The following KIZ variants were observed in gnomAD, a reference collection of about 807,000 sequenced individuals.
KIZ encodes centrosomal protein kizuna.
KIZ carries 68 observed loss-of-function variants against 79.6 expected under a neutral mutation model. The ratio of observed to expected loss-of-function variants is 0.85; its 90% CI spans 0.70 to 1.05. The LOEUF (loss-of-function observed/expected upper bound fraction) is 1.05, where lower values mean the gene tolerates loss of function less well. Among genes scored for constraint, KIZ ranks in the 50% least tolerant of loss-of-function variants. The pLI is 0.00. For missense variants in KIZ, 797 were observed against 800.4 expected, an observed-to-expected ratio of 1.00 and a Z score of 0.05; for synonymous variants, 280 against 281.8, an observed-to-expected ratio of 0.99 and a Z score of 0.06.
At chr20:21,204,817 CTG>C (rs1483235174) in intron 6 of KIZ, among the ~76,000 whole-genome samples, 1 of 152,182 alleles carries the variant, frequency 6.6e-6, no homozygotes, top group Non-Finnish European at 1.5e-5. Context: ...TTTTAAAAAA[CTG>C]TAAGTAGACC....
At chr20:21,232,619 C>A in intron 10 of KIZ, 115 bp from the exon 11 acceptor site, 1 of 645,802 alleles carries the variant, frequency 1.5e-6, no homozygotes, top group Non-Finnish European at 2.9e-6. Context: ...GCTTGAACAG[C>A]ATCTTCCTCT....
chr20:21,192,592 A>T (rs1167883451), intron 6 of KIZ, among the ~76,000 whole-genome samples: 1 of 152,212 alleles, frequency 6.6e-6, no homozygotes, highest in Non-Finnish European at 1.5e-5. Context: ...AAATTATGTA[A>T]GTGTAAGTTT....
intron 6 of KIZ, among the ~76,000 whole-genome samples, chr20:21,191,850 A>G (rs889730797): frequency 7.2e-5 from 11 of 151,756 alleles, no homozygotes; most frequent in Admixed American, 3.3e-4. Context: ...AAAGAAAGAA[A>G]AAAAAAAAAA....
At chr20:21,177,667 T>A (rs1042370131) in intron 6 of KIZ, among the ~76,000 whole-genome samples, 2 of 152,158 alleles carry the variant, frequency 1.3e-5, no homozygotes, top group Admixed American at 6.5e-5. Context: ...GCCAATGTTA[T>A]GAAGCTTTTC....
chr20:21,172,113 G>T (rs916257591), intron 6 of KIZ, among the ~76,000 whole-genome samples: 8 of 152,200 alleles, frequency 5.3e-5, no homozygotes, highest in Non-Finnish European at 1.2e-4. Flanking sequence ...TAATGACTTG[G>T]TGGTTGTTTT....
intron 9 of KIZ, among the ~76,000 whole-genome samples, chr20:21,220,506 C>CA (rs1291285864): frequency 1.3e-5 from 2 of 151,944 alleles, no homozygotes; most frequent in African/African-American, 4.8e-5. Context: ...ATTTTTGAGA[C>CA]AGAGTCTCAC....
intron 6 of KIZ, among the ~76,000 whole-genome samples, chr20:21,181,091 A>G (rs2034636805): frequency 6.6e-6 from 1 of 152,236 alleles, no homozygotes; most frequent in Admixed American, 6.5e-5. Context: ...CCAGATTTTG[A>G]GGGCTGCAGT....
At chr20:21,207,995 A>G (rs1281231559) in intron 7 of KIZ, among the ~76,000 whole-genome samples, 1 of 152,124 alleles carries the variant, frequency 6.6e-6, no homozygotes, top group Non-Finnish European at 1.5e-5. Flanking sequence ...GATTGCAGAT[A>G]TGAGCCACCA....
intron 6 of KIZ, among the ~76,000 whole-genome samples, chr20:21,188,999 C>T (rs550001396): frequency 9.2e-5 from 14 of 151,958 alleles, no homozygotes; most frequent in African/African-American, 2.2e-4. Context: ...TGAGCCACCC[C>T]GCCCAGCCTG....
Position 21,163,431 on chromosome 20 carries a change from A to G in KIZ, c.1352+272A>G, listed in dbSNP as rs1164135448. Among the ~76,000 whole-genome samples, 5 of 152,298 alleles carry G rather than the reference A, an allele frequency of 3.3e-5. No individual in the cohort carries two copies. In the East Asian group the frequency reaches 7.7e-4, roughly 24 times the overall value. ...GATTGCAGCTTATAATTATATACACATAATCCCTGGTTAACTTATAAGTCA... is the reference window on the plus strand; with the variant it reads ...GATTGCAGCTTATAATTATATACACGTAATCCCTGGTTAACTTATAAGTCA... On this transcript the variant is annotated intron_variant, in intron 6 of 12. Transcript: ENST00000619189.
At chr20:21,150,440 C>G (rs968933440) in intron 4 of KIZ, among the ~76,000 whole-genome samples, 1 of 152,220 alleles carries the variant, frequency 6.6e-6, no homozygotes, top group African/African-American at 2.4e-5. Context: ...CAAAAATCTC[C>G]CTAGACGGGG....
intron 3 of KIZ, among the ~76,000 whole-genome samples, chr20:21,144,401 T>C (rs1387685535): frequency 6.6e-6 from 1 of 152,222 alleles, no homozygotes; most frequent in African/African-American, 2.4e-5. Flanking sequence ...CTCTTGGGGC[T>C]AAAATGTAAA....
At chr20:21,229,417 T>C (rs2036765583) in intron 10 of KIZ, among the ~76,000 whole-genome samples, 1 of 152,220 alleles carries the variant, frequency 6.6e-6, no homozygotes, top group Admixed American at 6.5e-5. Context: ...CCAAATTCCT[T>C]CTCTTCCCCA....
In KIZ at chr20:21,162,269, CA is replaced by C. The variant is rs2122691390; in HGVS notation, c.809del (p.Lys270SerfsTer13). 1 of 1,613,820 alleles carries C rather than the reference CA, an allele frequency of 6.2e-7. No individual in the cohort carries two copies. The highest frequency in any genetic ancestry group is 8.5e-7 in the Non-Finnish European group (1 of 1,179,798). ...ATGGCAAGAGTAATTTATCTGAAGGCAAAAAGTCTGCTGAACTCAATTCCCC... is the reference window on the plus strand; with the variant it reads ...ATGGCAAGAGTAATTTATCTGAAGGCAAAAGTCTGCTGAACTCAATTCCCC... Reference protein sequence around the residue: ...RHGKSNLSEGKKSAELNSPLR... With the variant: ...RHGKSNLSEGXKSAELNSPLR... On this transcript the variant is annotated frameshift_variant, in exon 5 of 13. Coordinates refer to ENST00000619189, the MANE Select transcript of KIZ (RefSeq NM_018474.6). LOFTEE classifies it high-confidence loss of function.
chr20:21,198,036 G>C (rs1054579022), intron 6 of KIZ: 1 of 152,182 alleles, frequency 6.6e-6, no homozygotes, highest in Admixed American at 6.5e-5. Flanking sequence ...AGATCACAAA[G>C]TTGCAATCCT....
At chr20:21,236,678 G>A (rs1008332350) in intron 11 of KIZ, among the ~76,000 whole-genome samples, 2 of 152,032 alleles carry the variant, frequency 1.3e-5, no homozygotes, top group Non-Finnish European at 2.9e-5. Flanking sequence ...ATGGGCCATG[G>A]CTATTTTTTC....
intron 6 of KIZ, among the ~76,000 whole-genome samples, chr20:21,188,618 G>A (rs116827305): frequency 4.2e-4 from 63 of 151,514 alleles, no homozygotes; most frequent in African/African-American, 1.4e-3. Flanking sequence ...GATATTTAAA[G>A]CGGTCACTTT....
At chr20:21,225,680 T>C (rs560540570) in intron 9 of KIZ, among the ~76,000 whole-genome samples, 1 of 152,324 alleles carries the variant, frequency 6.6e-6, no homozygotes, top group African/African-American at 2.4e-5. Flanking sequence ...AGCTTTTAAC[T>C]GATTGGTTCA....
At position 21,159,076 on chromosome 20, in the gene KIZ, C is replaced by T. The variant is rs558273553; in HGVS notation, c.406-2795C>T. On this transcript the variant is annotated intron_variant, in intron 4 of 12. Transcript: ENST00000619189. ...AGGCTGGAGTGCAGTGGCAAGATCT[C>T]GGCTCACTGCAACCTCTGCCTCCTG... Among the ~76,000 whole-genome samples the T allele has an allele frequency of 1.3e-4, 20 of 151,616 alleles. No homozygotes were observed. In the South Asian group the frequency reaches 3.3e-3, roughly 25 times the overall value.
Sources: gnomAD v4.1 joint callset for allele counts (sites outside exome capture counted in the v4.1 genomes callset) on GRCh38, gnomAD v4.1.1 for gene constraint, MANE v1.5 for transcripts, NCBI Gene and HGNC (gene_info 2026-07-23, HGNC 2026-07-21) for gene names.